The following NCAM1 variants were observed in gnomAD, a reference collection of about 807,000 sequenced individuals.
NCAM1 encodes antigen recognized by monoclonal antibody 5.1H11.
In NCAM1, 14 loss-of-function variants were observed where a neutral mutation model predicts 109.8. That is an observed-to-expected ratio of 0.13 (90% CI 0.08 to 0.20). NCAM1 has a LOEUF of 0.20. Among genes scored for constraint, NCAM1 ranks in the 10% least tolerant of loss-of-function variants. The pLI, the probability that NCAM1 is intolerant of heterozygous loss-of-function variation, is 1.00. For missense variants in NCAM1, 774 were observed against 1,109.9 expected (o/e 0.70, Z 4.30); for synonymous variants, 418 against 442.9 (o/e 0.94, Z 0.70).
At chr11:113,161,175 T>C (rs1347626651) in intron 1 of NCAM1, among the ~76,000 whole-genome samples, 19 of 152,156 alleles carry the variant, frequency 1.2e-4, no homozygotes, top group African/African-American at 4.6e-4. Flanking sequence ...GAGTAGGGAA[T>C]CAAAAGAGCC....
chr11:113,018,102 T>C (rs1377314045), intron 1 of NCAM1, among the ~76,000 whole-genome samples: 2 of 152,164 alleles, frequency 1.3e-5, no homozygotes, highest in Non-Finnish European at 2.9e-5. Flanking sequence ...TATGCTGTCC[T>C]GTTGGCCTAT....
intron 8 of NCAM1, among the ~76,000 whole-genome samples, chr11:113,217,218 G>A (rs182827188): frequency 3.9e-5 from 6 of 152,242 alleles, no homozygotes; most frequent in East Asian, 1.9e-4. Context: ...AAGCCAGTCC[G>A]TCCCTGTCTG....
At chr11:113,004,982 AT>A (rs1451201267) in intron 1 of NCAM1, among the ~76,000 whole-genome samples, 2 of 151,982 alleles carry the variant, frequency 1.3e-5, no homozygotes, top group African/African-American at 4.8e-5. Flanking sequence ...CAACTCCAGT[AT>A]TGATTTACTT....
intron 1 of NCAM1, among the ~76,000 whole-genome samples, chr11:113,139,858 T>A (rs1317253419): frequency 2.0e-5 from 3 of 152,196 alleles, no homozygotes; most frequent in African/African-American, 7.2e-5. Context: ...AAATGTGGAA[T>A]ATTCAATTAA....
At chr11:113,140,741 G>A (rs1035831509) in intron 1 of NCAM1, among the ~76,000 whole-genome samples, 1 of 152,056 alleles carries the variant, frequency 6.6e-6, no homozygotes, top group Non-Finnish European at 1.5e-5. Flanking sequence ...TACTTCATTT[G>A]TAAGTAACTT....
chr11:113,270,856 C>T (rs1565541570), intron 18 of NCAM1, among the ~76,000 whole-genome samples: 2 of 152,148 alleles, frequency 1.3e-5, no homozygotes, highest in Non-Finnish European at 2.9e-5. Flanking sequence ...AGGGAACAAA[C>T]AGATAGAAAT....
chr11:113,056,401 C>T (rs1189825411), intron 1 of NCAM1, among the ~76,000 whole-genome samples: 1 of 152,010 alleles, frequency 6.6e-6, no homozygotes, highest in East Asian at 1.9e-4. Context: ...TTGTAATGTT[C>T]CCAACACAAA....
Position 113,260,186 on chromosome 11 carries a change from G to T in NCAM1, c.1994G>T (p.Gly665Val). 6.2e-7 allele frequency: 1 copy of T among 1,613,856 alleles called. No homozygotes were observed. Among genetic ancestry groups the T allele is most frequent in the Non-Finnish European group, 8.5e-7 (1 of 1,179,856 alleles). Reference protein sequence around the residue: ...EWKPEIRLPSGSDHVMLKSLD... With the variant: ...EWKPEIRLPSVSDHVMLKSLD... Reference sequence around the variant, plus strand: ...AAACCAGAGATCAGGCTCCCGTCTGGCAGTGACCACGTCATGCTGAAGTCC... The same window carrying T: ...AAACCAGAGATCAGGCTCCCGTCTGTCAGTGACCACGTCATGCTGAAGTCC... Residue 665 changes from glycine (G) to valine (V), a missense_variant, in exon 17 of 20, where the codon GGC (glycine) becomes GTC (valine). By Grantham distance (109) the Gly-to-Val change is moderately radical (BLOSUM62 -3). Transcript: ENST00000316851.
At position 113,244,144 on chromosome 11, in the gene NCAM1, C is replaced by T. The variant is rs80312095; in HGVS notation, c.1826-2224C>T. 3.3e-3 allele frequency among the ~76,000 whole-genome samples: 510 copies of T among 152,248 alleles called. 6 individuals are homozygous for T. The highest frequency in any genetic ancestry group is 0.012 in the African/African-American group (480 of 41,538). ...CAGTGTCACTCCTGTCCTTTTTCAACCTGGTGCAATGTGTGTCCAGGCACA... is the reference window on the plus strand; with the variant it reads ...CAGTGTCACTCCTGTCCTTTTTCAATCTGGTGCAATGTGTGTCCAGGCACA... On this transcript the variant is annotated intron_variant, in intron 14 of 19. Coordinates refer to ENST00000316851, the MANE Select transcript of NCAM1 (RefSeq NM_181351.5).
At chr11:113,156,129 G>T (rs921808193) in intron 1 of NCAM1, among the ~76,000 whole-genome samples, 6 of 152,190 alleles carry the variant, frequency 3.9e-5, no homozygotes, top group African/African-American at 1.4e-4. Context: ...AAGTCAGCAG[G>T]ACTTGACAAC....
intron 1 of NCAM1, among the ~76,000 whole-genome samples, chr11:113,105,290 C>A (rs558403126): frequency 6.6e-6 from 1 of 152,332 alleles, no homozygotes; most frequent in Non-Finnish European, 1.5e-5. Context: ...CCTCACCTTG[C>A]ACTCCCTTAT....
At chr11:113,087,944 C>A (rs1411294921) in intron 1 of NCAM1, among the ~76,000 whole-genome samples, 3 of 152,106 alleles carry the variant, frequency 2.0e-5, no homozygotes, top group African/African-American at 7.2e-5. Flanking sequence ...GCATTTCAGG[C>A]CAGTGCAGTG....
chr11:113,145,877 C>T (rs781609057), intron 1 of NCAM1, among the ~76,000 whole-genome samples: 14 of 152,016 alleles, frequency 9.2e-5, no homozygotes, highest in Non-Finnish European at 1.8e-4. Context: ...GCACCAGCAT[C>T]AGGATTTATT....
At chr11:112,967,825 T>C (rs180751236) in intron 1 of NCAM1, among the ~76,000 whole-genome samples, 50 of 152,296 alleles carry the variant, frequency 3.3e-4, no homozygotes, top group Middle Eastern at 3.4e-3. Flanking sequence ...AAAAATGGCC[T>C]GATTATAAGG....
At chr11:113,128,909 GTGTGTGTGTGTGTGTGTGT>G in intron 1 of NCAM1, among the ~76,000 whole-genome samples, 1 of 110,628 alleles carries the variant, frequency 9.0e-6, no homozygotes, top group Non-Finnish European at 1.7e-5. Context: ...TTGTGAGGGT[GTGTGTGTGTGTGTGTGTGT>G]GTGTGTGTGT....
At chr11:113,173,614 A>C in intron 1 of NCAM1, among the ~76,000 whole-genome samples, 1 of 141,346 alleles carries the variant, frequency 7.1e-6, no homozygotes, top group Non-Finnish European at 1.5e-5. Context: ...ATATATATAT[A>C]TATATATATA....
chr11:113,159,764 G>C (rs1942536934), intron 1 of NCAM1, among the ~76,000 whole-genome samples: 1 of 151,552 alleles, frequency 6.6e-6, no homozygotes, highest in African/African-American at 2.4e-5. Context: ...GTGCAGGTTA[G>C]TTACATATGT....
At chr11:113,012,714 A>T (rs1952101031) in intron 1 of NCAM1, among the ~76,000 whole-genome samples, 1 of 152,178 alleles carries the variant, frequency 6.6e-6, no homozygotes, top group East Asian at 1.9e-4. Flanking sequence ...GTGTCTTCAC[A>T]TGGCCTTATA....
chr11:113,040,282 T>G (rs7938812), intron 1 of NCAM1, among the ~76,000 whole-genome samples: 68,430 of 152,062 alleles, frequency 0.45, 16,303 homozygotes, highest in East Asian at 0.8. Context: ...ACATTCCAAG[T>G]GTACCCTGGT....
Sources: allele counts gnomAD v4.1 joint callset (sites outside exome capture counted in the v4.1 genomes callset), GRCh38; gene constraint gnomAD v4.1.1; transcripts MANE v1.5; gene names NCBI Gene and HGNC (gene_info 2026-07-23, HGNC 2026-07-21).